CLEC16A: variants seen among roughly 807,000 people sequenced by gnomAD.
CLEC16A encodes C-type lectin domain containing 16A.
CLEC16A carries 51 observed loss-of-function variants against 109.5 expected under a neutral mutation model. The ratio of observed to expected loss-of-function variants is 0.47; its 90% CI spans 0.37 to 0.59. The LOEUF (loss-of-function observed/expected upper bound fraction) is 0.59, where lower values mean the gene tolerates loss of function less well. CLEC16A is among the 20% of genes least tolerant of loss of function. The pLI is 0.00. For missense variants in CLEC16A, 1,339 were observed against 1,394.0 expected, an observed-to-expected ratio of 0.96 and a Z score of 0.63; for synonymous variants, 673 against 564.2, an observed-to-expected ratio of 1.19 and a Z score of -2.73.
intron 1 of CLEC16A, among the ~76,000 whole-genome samples, chr16:10,946,639 C>T (rs1023137163): frequency 6.6e-6 from 1 of 152,190 alleles, no homozygotes; most frequent in Non-Finnish European, 1.5e-5. Context: ...GGCCTCCTGC[C>T]GGCATCCAGG....
intron 23 of CLEC16A, among the ~76,000 whole-genome samples, chr16:11,175,301 G>A (rs905175693): frequency 1.3e-5 from 2 of 152,140 alleles, no homozygotes; most frequent in Non-Finnish European, 2.9e-5. Flanking sequence ...TTATGGAAAC[G>A]TGGCCTTCCT....
chr16:11,177,147 C>A (rs2068781955), intron 23 of CLEC16A, among the ~76,000 whole-genome samples: 1 of 152,188 alleles, frequency 6.6e-6, no homozygotes, highest in African/African-American at 2.4e-5. Flanking sequence ...TGAGAATTTG[C>A]CTCCAAGCAG....
At position 11,178,487 on chromosome 16, in the gene CLEC16A, C is replaced by T. The variant is rs1037548602; in HGVS notation, c.2959C>T (p.Arg987Trp). The change falls in exon 24 of 24, where the codon CGG (arginine) becomes TGG (tryptophan). Residue 987 changes from arginine to tryptophan, a missense_variant. Physicochemically the swap from Arg to Trp is moderately radical, Grantham distance 101. Coordinates refer to ENST00000409790, the MANE Select transcript of CLEC16A (RefSeq NM_015226.3). This position sits in a 1 kb window ranked among gnomAD's most constrained non-coding sequence, Gnocchi z 6.5. ...CCTGTCCCCCAGCCTCGTCCCTGCC[C>T]GGCAGCCCACCATTTCCCTGCTCTG... Reference protein sequence around the residue: ...ASLSPSLVPARQPTISLLCED... With the variant: ...ASLSPSLVPAWQPTISLLCED... 1.7e-5 allele frequency: 28 copies of T among 1,613,508 alleles called. No homozygotes were observed. The highest frequency in any genetic ancestry group is 4.0e-5 in the African/African-American group (3 of 74,938).
chr16:11,159,871 T>C (rs1393509058), intron 22 of CLEC16A, among the ~76,000 whole-genome samples: 2 of 152,206 alleles, frequency 1.3e-5, no homozygotes, highest in East Asian at 1.9e-4. Context: ...GTATTTAGTA[T>C]CTATGGCATT....
intron 19 of CLEC16A, among the ~76,000 whole-genome samples, chr16:11,104,190 C>T (rs1390332818): frequency 2.0e-5 from 3 of 152,148 alleles, no homozygotes; most frequent in African/African-American, 7.2e-5. Context: ...CTTACTGCAA[C>T]CTCTGCCTCC....
chr16:11,059,036 G>T (rs1220521400), intron 18 of CLEC16A, among the ~76,000 whole-genome samples: 1 of 152,118 alleles, frequency 6.6e-6, no homozygotes, highest in Non-Finnish European at 1.5e-5. Flanking sequence ...GGTGCACTTG[G>T]TTAAGTGACA....
At chr16:11,028,835 G>C (rs2046576257) in intron 13 of CLEC16A, among the ~76,000 whole-genome samples, 1 of 152,108 alleles carries the variant, frequency 6.6e-6, no homozygotes, top group Non-Finnish European at 1.5e-5. Context: ...AAATTTCCCT[G>C]TAAGCACTGC....
chr16:11,178,737 A>G lies in CLEC16A; in HGVS notation c.*47A>G, dbSNP rs1332784791. On this transcript the variant is annotated 3_prime_UTR_variant, in exon 24 of 24. Transcript: ENST00000409790. The surrounding 1 kb of genome is among the most constrained non-coding windows in gnomAD (Gnocchi z 6.5). Reference sequence around the variant, plus strand: ...TGTGTGTGTGGCCCCGCTGGTAGGGACCCCAGTGCCGCTGACTGGCAAGAC... The same window carrying G: ...TGTGTGTGTGGCCCCGCTGGTAGGGGCCCCAGTGCCGCTGACTGGCAAGAC... 1 of 1,367,898 alleles carries G rather than the reference A, an allele frequency of 7.3e-7. No homozygotes were observed. The highest frequency in any genetic ancestry group is 9.6e-7 in the Non-Finnish European group (1 of 1,037,134). 84.7% of individuals were successfully genotyped at this position (1,367,898 alleles called of 1,614,324 possible). A position where few individuals can be genotyped will look rare whatever the true frequency, so the allele number is the denominator to read the frequency against.
intron 22 of CLEC16A, among the ~76,000 whole-genome samples, chr16:11,127,782 G>T (rs2052931924): frequency 6.6e-6 from 1 of 152,000 alleles, no homozygotes; most frequent in Non-Finnish European, 1.5e-5. Context: ...AGGTGGGAGG[G>T]TCACTTGAGC....
chr16:11,015,584 G>A (rs536060872), intron 11 of CLEC16A, among the ~76,000 whole-genome samples: 155 of 152,294 alleles, frequency 1.0e-3, no homozygotes, highest in African/African-American at 3.4e-3. Flanking sequence ...GCGCTCATCT[G>A]CTGACTGTGG....
chr16:11,177,474 C>T (rs1204657448), intron 23 of CLEC16A, among the ~76,000 whole-genome samples: 1 of 152,116 alleles, frequency 6.6e-6, no homozygotes, highest in African/African-American at 2.4e-5. Flanking sequence ...GTGGCAGATG[C>T]CTGTAATCAC....
intron 10 of CLEC16A, among the ~76,000 whole-genome samples, 161 bp downstream of exon 10, chr16:10,983,152 A>G (rs952941822): frequency 1.3e-5 from 2 of 152,252 alleles, no homozygotes; most frequent in Non-Finnish European, 2.9e-5. Flanking sequence ...TCTTGATTGC[A>G]TACCCAAGAG....
chr16:11,027,338 A>G (rs762830643), intron 13 of CLEC16A: 9 of 1,412,976 alleles, frequency 6.4e-6, no homozygotes, highest in Non-Finnish European at 8.9e-6. Context: ...TGGTGCAGAG[A>G]ACCATTGCAA....
chr16:11,144,393 C>T (rs1180070969), intron 22 of CLEC16A, among the ~76,000 whole-genome samples: 1 of 152,096 alleles, frequency 6.6e-6, no homozygotes, highest in Non-Finnish European at 1.5e-5. Flanking sequence ...GTTCATTCTC[C>T]GTCCTGTACC....
chr16:11,045,608 A>G (rs1241480064), intron 16 of CLEC16A, among the ~76,000 whole-genome samples: 1 of 152,152 alleles, frequency 6.6e-6, no homozygotes, highest in South Asian at 2.1e-4. Context: ...CTTTCAGGGA[A>G]GGCTCATCAC....
At chr16:11,078,744 T>C (rs1380239331) in intron 19 of CLEC16A, among the ~76,000 whole-genome samples, 3 of 152,128 alleles carry the variant, frequency 2.0e-5, no homozygotes, top group Admixed American at 6.6e-5. Flanking sequence ...AGAATCATGC[T>C]GGGCACTTTG....
chr16:11,035,809 GTTGT>G (rs1440324111), intron 13 of CLEC16A, among the ~76,000 whole-genome samples: 1 of 152,174 alleles, frequency 6.6e-6, no homozygotes, highest in Non-Finnish European at 1.5e-5. Flanking sequence ...TGATTTTGTT[GTTGT>G]TTGTTTGTTT....
At chr16:10,976,851 C>G (rs899990700) in intron 7 of CLEC16A, among the ~76,000 whole-genome samples, 5 of 152,214 alleles carry the variant, frequency 3.3e-5, no homozygotes, top group Non-Finnish European at 5.9e-5. Flanking sequence ...CTGCTTTTCT[C>G]TTTAGAACTC....
At chr16:11,049,306 AT>A (rs965997864) in intron 17 of CLEC16A, among the ~76,000 whole-genome samples, 25 of 148,966 alleles carry the variant, frequency 1.7e-4, no homozygotes, top group East Asian at 9.8e-4. Context: ...GCACCTGGCA[AT>A]TTTTTTTTTT....
Sources: gnomAD v4.1 joint callset for allele counts (sites outside exome capture counted in the v4.1 genomes callset) on GRCh38, gnomAD v4.1.1 for gene constraint, Gnocchi (gnomAD v3.1) non-coding constraint, MANE v1.5 for transcripts, NCBI Gene and HGNC (gene_info 2026-07-23, HGNC 2026-07-21) for gene names.